PRRT2: variants seen among roughly 807,000 people sequenced by gnomAD.
PRRT2 encodes proline-rich transmembrane protein 2.
A neutral mutation model predicts 24.7 loss-of-function variants in PRRT2; 9 were observed. The ratio of observed to expected loss-of-function variants is 0.36; its 90% CI spans 0.22 to 0.64. PRRT2 has a LOEUF of 0.64. Ranked by LOEUF, PRRT2 falls within the 30% of genes least tolerant of loss-of-function variation. The pLI, the probability that PRRT2 is intolerant of heterozygous loss-of-function variation, is 0.65. For synonymous variants in PRRT2, 195 were observed against 175.5 expected (o/e 1.11, Z -0.88); for missense variants, 460 against 435.0 (o/e 1.06, Z -0.51).
chr16:29,815,763 GAAA>G lies in PRRT2; in HGVS notation c.*1130_*1132del, dbSNP rs1459034362. On this transcript the variant is annotated 3_prime_UTR_variant, in exon 4 of 4. Transcript: ENST00000358758. ...AAAAAAAAAAAAAAGTCTGGGGGAA[GAAA>G]AAAACTAAAATTCTTAAAAAAAAAA... 1.9e-5 allele frequency: 1 copy of G among 51,722 alleles called. No individual in the cohort carries two copies. Among genetic ancestry groups the G allele is most frequent in the Non-Finnish European group, 4.1e-5 (1 of 24,662 alleles). The allele number at this position is 51,722 out of a possible 1,614,324, so 3.2% of individuals were successfully genotyped here.
In PRRT2 at chr16:29,814,193, C is replaced by G; in HGVS notation, c.880-140C>G. ...TGACCTGTGCCCTCCTCCCCCTGCC[C>G]CTTCACTCCTCCTTCCTCCCTTACC... On this transcript the variant is annotated intron_variant, in intron 2 of 3. Transcript: ENST00000358758. The surrounding 1 kb of genome is among the most constrained non-coding windows in gnomAD (Gnocchi z 4.1). 6.7e-7 allele frequency: 1 copy of G among 1,494,170 alleles called. No homozygotes were observed. The highest frequency in any genetic ancestry group is 8.8e-7 in the Non-Finnish European group (1 of 1,130,892). 92.6% of individuals were successfully genotyped at this position (1,494,170 alleles called of 1,614,324 possible). A position where few individuals can be genotyped will look rare whatever the true frequency, so the allele number is the denominator to read the frequency against.
chr16:29,814,340 A>G lies in PRRT2; in HGVS notation c.887A>G (p.Asn296Ser). The G allele has an allele frequency of 6.2e-7, 1 of 1,602,244 alleles. No homozygotes were observed. The highest frequency in any genetic ancestry group is 8.5e-7 in the Non-Finnish European group (1 of 1,177,890). ...CCCTCGCCCTAACCCCAGTCCCGGA[A>G]CAGCCTGCAGCAGGGGGACGTGGAC... ...VAFAYAVMSR[N>S]SLQQGDVDGA... The change falls in exon 3 of 4, where the codon AAC (asparagine) becomes AGC (serine). Residue 296 changes from asparagine to serine, a missense_variant. By Grantham distance (46) the Asn-to-Ser change is conservative. This residue lies in a region of PRRT2 where 64 missense variants were observed against 71.2 expected (regional missense o/e 0.90). Transcript: ENST00000358758. The surrounding 1 kb of genome is among the most constrained non-coding windows in gnomAD (Gnocchi z 4.1).
chr16:29,813,694 G>A lies in PRRT2; in HGVS notation c.640G>A (p.Ala214Thr). The A allele has an allele frequency of 6.6e-7, 1 of 1,505,482 alleles. No homozygotes were observed. The allele number at this position is 1,505,482 out of a possible 1,614,324, so 93.3% of individuals were successfully genotyped here. A position where few individuals can be genotyped will look rare whatever the true frequency, so the allele number is the denominator to read the frequency against. ...AAAAAAATCCCCCCCAGCCAATGGG[G>A]CCCCCCCCCGAGTGCTGCAGCAGCT... ...PSKKSPPANGAPPRVLQQLVE... is the reference protein window; with the variant it reads ...PSKKSPPANGTPPRVLQQLVE... The change falls in exon 2 of 4, where the codon GCC becomes ACC. Residue 214 changes from alanine (A) to threonine (T), a missense_variant. Transcript: ENST00000358758.
In PRRT2 at chr16:29,813,022, C is replaced by T. The variant is rs1244327916; in HGVS notation, c.-33C>T. On this transcript the variant is annotated 5_prime_UTR_variant, in exon 2 of 4. Coordinates refer to ENST00000358758, the MANE Select transcript of PRRT2 (RefSeq NM_145239.3). The stretch of plus-strand genomic sequence containing the variant: ...CGCTGTCTCTGCTATTCCATCCTCC[C>T]CATAGGGGCTCTCTCCCCTCTCCCA... The T allele has an allele frequency of 6.4e-7, 1 of 1,564,216 alleles. No individual in the cohort carries two copies. Among genetic ancestry groups the T allele is most frequent in the African/African-American group, 1.4e-5 (1 of 73,172 alleles).
chr16:29,813,154 C>T lies in PRRT2; in HGVS notation c.100C>T (p.Pro34Ser), dbSNP rs1273764641. 5 of 1,614,020 alleles carry T rather than the reference C, an allele frequency of 3.1e-6. No individual in the cohort carries two copies. Among genetic ancestry groups the T allele is most frequent in the South Asian group, 1.1e-5 (1 of 91,082 alleles). Residue 34 changes from proline (P) to serine (S), a missense_variant, in exon 2 of 4, where the codon CCT becomes TCT. By Grantham distance (74) the Pro-to-Ser change is moderately conservative. Around this residue, in one of 3 missense-constraint regions of PRRT2, gnomAD observed 378 missense variants for 324.6 expected, o/e 1.16. Coordinates refer to ENST00000358758, the MANE Select transcript of PRRT2 (RefSeq NM_145239.3). ...GPGHSEAETG[P>S]PQVLAGVPDQ... is the part of the protein sequence containing the mutation. ...TGGCCATTCTGAAGCTGAAACTGGCCCTCCCCAGGTCCTAGCAGGGGTACC... is the reference window on the plus strand; with the variant it reads ...TGGCCATTCTGAAGCTGAAACTGGCTCTCCCCAGGTCCTAGCAGGGGTACC...
chr16:29,813,423 G>A lies in PRRT2; in HGVS notation c.369G>A (p.Gly123=), dbSNP rs1057521000. ...EVSKEATADQ[G]SRLESAAPPE... ...GCAAAGAGGCCACTGCAGACCAGGG[G>A]TCCAGGCTGGAGTCTGCAGCCCCAC... The change falls in exon 2 of 4, where the codon GGG becomes GGA. Residue 123 remains glycine (G), a synonymous_variant. Coordinates refer to ENST00000358758, the MANE Select transcript of PRRT2 (RefSeq NM_145239.3). 6.2e-7 allele frequency: 1 copy of A among 1,614,108 alleles called. No homozygotes were observed. Among genetic ancestry groups the A allele is most frequent in the Non-Finnish European group, 8.5e-7 (1 of 1,180,000 alleles).
At position 29,814,313 on chromosome 16, in the gene PRRT2, A is replaced by T. The variant is rs727504110; in HGVS notation, c.880-20A>T. 1 of 1,572,506 alleles carries T rather than the reference A, an allele frequency of 6.4e-7. No homozygotes were observed. The highest frequency in any genetic ancestry group is 8.6e-7 in the Non-Finnish European group (1 of 1,167,336). Reference sequence around the variant, plus strand: ...CTCCTGACCCCGGCTATGTGCCTCCACCCCTCGCCCTAACCCCAGTCCCGG... The same window carrying T: ...CTCCTGACCCCGGCTATGTGCCTCCTCCCCTCGCCCTAACCCCAGTCCCGG... On this transcript the variant is annotated intron_variant, in intron 2 of 3. Coordinates refer to ENST00000358758, the MANE Select transcript of PRRT2 (RefSeq NM_145239.3). The surrounding 1 kb of genome is among the most constrained non-coding windows in gnomAD (Gnocchi z 4.1).
rs1224703983 is a variant in PRRT2, at chr16:29,815,522, G to A, written c.*884G>A. 6.6e-6 allele frequency: 1 copy of A among 152,470 alleles called. No individual in the cohort carries two copies. The highest frequency in any genetic ancestry group is 1.5e-5 in the Non-Finnish European group (1 of 68,016). 9.4% of individuals were successfully genotyped at this position (152,470 alleles called of 1,614,324 possible). ...GCGAGTTTCTTTCTTGAAGGTGTGG[G>A]GGCTAGATTCATTCACGTGCTTCGT... On this transcript the variant is annotated 3_prime_UTR_variant, in exon 4 of 4. Coordinates refer to ENST00000358758, the MANE Select transcript of PRRT2 (RefSeq NM_145239.3).
chr16:29,815,007 T>G lies in PRRT2; in HGVS notation c.*369T>G. On this transcript the variant is annotated 3_prime_UTR_variant, in exon 4 of 4. Coordinates refer to ENST00000358758, the MANE Select transcript of PRRT2 (RefSeq NM_145239.3). The stretch of plus-strand genomic sequence containing the variant: ...TCTCTCCTGGCCTCCCTGCACTTCT[T>G]CCAGCCCCCCAAATTCTCTGGACCT... The G allele has an allele frequency of 8.1e-6, 2 of 246,000 alleles. No homozygotes were observed. The highest frequency in any genetic ancestry group is 8.5e-5 in the East Asian group (1 of 11,828). 15.2% of individuals were successfully genotyped at this position (246,000 alleles called of 1,614,324 possible). A position where few individuals can be genotyped will look rare whatever the true frequency, so the allele number is the denominator to read the frequency against.
chr16:29,814,246 CTT>C lies in PRRT2; in HGVS notation c.880-86_880-85del. On this transcript the variant is annotated intron_variant, in intron 2 of 3. Transcript: ENST00000358758. This position sits in a 1 kb window ranked among gnomAD's most constrained non-coding sequence, Gnocchi z 4.1. ...CCATCTATGGGGCTGGCCTCTCTCT[CTT>C]CTGGATGACTTTTCCACCTGATCCC... 1 of 1,504,210 alleles carries C rather than the reference CTT, an allele frequency of 6.6e-7. No homozygotes were observed. Among genetic ancestry groups the C allele is most frequent in the Non-Finnish European group, 8.8e-7 (1 of 1,136,010 alleles). 93.2% of individuals were successfully genotyped at this position (1,504,210 alleles called of 1,614,324 possible). A position where few individuals can be genotyped will look rare whatever the true frequency, so the allele number is the denominator to read the frequency against.
rs140383655 is a variant in PRRT2, at chr16:29,813,121, G to A, written c.67G>A (p.Glu23Lys). 2.0e-3 allele frequency: 3,205 copies of A among 1,613,926 alleles called. 7 individuals carry two copies. Among genetic ancestry groups the A allele is most frequent in the Non-Finnish European group, 2.5e-3 (2,931 of 1,179,924 alleles). Residue 23 changes from glutamate to lysine, a missense_variant, in exon 2 of 4, where the codon GAA (glutamate) becomes AAA (lysine). This residue lies in a region of PRRT2 where 378 missense variants were observed against 324.6 expected (regional missense o/e 1.16). Transcript: ENST00000358758. ...GVEESPKVPGEGPGHSEAETG... is the reference protein window; with the variant it reads ...GVEESPKVPGKGPGHSEAETG... ...TGAGGAGAGTCCCAAGGTTCCAGGC[G>A]AAGGGCCTGGCCATTCTGAAGCTGA...
Position 29,813,599 on chromosome 16 carries a change from G to A in PRRT2, c.545G>A (p.Gly182Glu), listed in dbSNP as rs2142425204. The change falls in exon 2 of 4, where the codon GGG becomes GAG. Residue 182 changes from glycine to glutamate, a missense_variant. By Grantham distance (98) the Gly-to-Glu change is moderately conservative (BLOSUM62 -2). Around this residue, in one of 3 missense-constraint regions of PRRT2, gnomAD observed 378 missense variants for 324.6 expected, o/e 1.16. Transcript: ENST00000358758. Reference protein sequence around the residue: ...SESVGEKQENGAVVPLQAGDG... With the variant: ...SESVGEKQENEAVVPLQAGDG... Reference sequence around the variant, plus strand: ...AGTGTAGGGGAAAAGCAAGAGAATGGGGCAGTGGTGCCCCTGCAGGCTGGT... The same window carrying A: ...AGTGTAGGGGAAAAGCAAGAGAATGAGGCAGTGGTGCCCCTGCAGGCTGGT... The A allele has an allele frequency of 3.7e-6, 6 of 1,613,450 alleles. No homozygotes were observed. The highest frequency in any genetic ancestry group is 4.2e-6 in the Non-Finnish European group (5 of 1,179,714).
chr16:29,814,001 G>A lies in PRRT2; in HGVS notation c.879+68G>A, dbSNP rs143290901. 2.8e-5 allele frequency: 43 copies of A among 1,520,956 alleles called. No homozygotes were observed. In the African/African-American group the frequency reaches 5.1e-4, roughly 18 times the overall value. The allele number at this position is 1,520,956 out of a possible 1,614,324, so 94.2% of individuals were successfully genotyped here. Reference sequence around the variant, plus strand: ...AGCTTCCCGCCAGCGCTGCAATAGAGCCTCTGGAGTAATCATGCCTTCCTT... The same window carrying A: ...AGCTTCCCGCCAGCGCTGCAATAGAACCTCTGGAGTAATCATGCCTTCCTT... On this transcript the variant is annotated intron_variant, in intron 2 of 3. Transcript: ENST00000358758. The surrounding 1 kb of genome is among the most constrained non-coding windows in gnomAD (Gnocchi z 4.1).
chr16:29,813,943 A>C lies in PRRT2; in HGVS notation c.879+10A>C. 1 of 1,569,688 alleles carries C rather than the reference A, an allele frequency of 6.4e-7. No homozygotes were observed. The highest frequency in any genetic ancestry group is 1.2e-5 in the South Asian group (1 of 84,076). On this transcript the variant is annotated intron_variant, in intron 2 of 3. Coordinates refer to ENST00000358758, the MANE Select transcript of PRRT2 (RefSeq NM_145239.3). Reference sequence around the variant, plus strand: ...CGCTTATGCTGTCATGGTGAGCCCCATGGGACCCTAGCCCAGGCCTGCTGT... The same window carrying C: ...CGCTTATGCTGTCATGGTGAGCCCCCTGGGACCCTAGCCCAGGCCTGCTGT...
rs866868022 is a variant in PRRT2, at chr16:29,814,897, C to A, written c.*259C>A. On this transcript the variant is annotated 3_prime_UTR_variant, in exon 4 of 4. Transcript: ENST00000358758. The surrounding 1 kb of genome is among the most constrained non-coding windows in gnomAD (Gnocchi z 4.1). The stretch of plus-strand genomic sequence containing the variant: ...GCATCCCCTCCGGCCTCTTGGCCCC[C>A]TATCCCTGCACTTCTGGAAACCTCC... The A allele has an allele frequency of 6.0e-6, 3 of 497,948 alleles. No homozygotes were observed. In the African/African-American group the frequency reaches 6.0e-5, roughly 10 times the overall value. The allele number at this position is 497,948 out of a possible 1,614,324, so 30.8% of individuals were successfully genotyped here.
In PRRT2 at chr16:29,813,537, T is replaced by C. The variant is rs751980660; in HGVS notation, c.483T>C (p.Pro161=). The part of the protein sequence containing the change: ...TPKPALQPEL[P]TQEDPTPEIL... ...AGCCAGCCCTTCAACCAGAGCTCCC[T>C]ACCCAGGAGGACCCCACCCCTGAGA... Residue 161 remains proline (P), a synonymous_variant, in exon 2 of 4, where the codon CCT becomes CCC. Coordinates refer to ENST00000358758, the MANE Select transcript of PRRT2 (RefSeq NM_145239.3). 18 of 1,613,052 alleles carry C rather than the reference T, an allele frequency of 1.1e-5. No homozygotes were observed. The highest frequency in any genetic ancestry group is 1.3e-5 in the Non-Finnish European group (15 of 1,179,548).
At chr16:29,812,484 C>T (rs1263155276) in intron 1 of PRRT2, 161 bp downstream of exon 1, 1 of 152,606 alleles carries the variant, frequency 6.6e-6, no homozygotes, top group African/African-American at 2.4e-5. Context: ...CGAGGGAAGC[C>T]CCGGGAGAGG....
In PRRT2 at chr16:29,813,944, T is replaced by G; in HGVS notation, c.879+11T>G. On this transcript the variant is annotated intron_variant, in intron 2 of 3. Coordinates refer to ENST00000358758, the MANE Select transcript of PRRT2 (RefSeq NM_145239.3). ...GCTTATGCTGTCATGGTGAGCCCCA[T>G]GGGACCCTAGCCCAGGCCTGCTGTG... is the stretch of plus-strand genomic sequence containing the variant. 1 of 1,570,566 alleles carries G rather than the reference T, an allele frequency of 6.4e-7. No homozygotes were observed. Among genetic ancestry groups the G allele is most frequent in the African/African-American group, 1.4e-5 (1 of 73,750 alleles).
chr16:29,813,717 G>C lies in PRRT2; in HGVS notation c.663G>C (p.Gln221His). 1.3e-6 allele frequency: 2 copies of C among 1,579,078 alleles called. No homozygotes were observed. The highest frequency in any genetic ancestry group is 1.7e-6 in the Non-Finnish European group (2 of 1,162,038). Residue 221 changes from glutamine to histidine, a missense_variant, in exon 2 of 4, where the codon CAG becomes CAC. This residue lies in a region of PRRT2 where 378 missense variants were observed against 324.6 expected (regional missense o/e 1.16). Coordinates refer to ENST00000358758, the MANE Select transcript of PRRT2 (RefSeq NM_145239.3). The part of the protein sequence containing the change: ...ANGAPPRVLQ[Q>H]LVEEDRMRRA... ...GGGCCCCCCCCCGAGTGCTGCAGCA[G>C]CTGGTTGAGGAGGATCGAATGAGAA...
Sources: gnomAD v4.1 joint callset for allele counts on GRCh38, gnomAD v4.1.1 for gene constraint, gnomAD v4.1.1 regional missense constraint, Gnocchi (gnomAD v3.1) non-coding constraint, MANE v1.5 for transcripts, NCBI Gene and HGNC (gene_info 2026-07-23, HGNC 2026-07-21) for gene names.